NLGN1: variants seen among roughly 807,000 people sequenced by gnomAD.
The protein encoded by NLGN1 is neuroligin-1.
NLGN1 carries 12 observed loss-of-function variants against 65.5 expected under a neutral mutation model. The ratio of observed to expected loss-of-function variants is 0.18; its 90% confidence interval spans 0.12 to 0.30. NLGN1 has a LOEUF of 0.30. Ranked by LOEUF, NLGN1 falls within the 10% of genes least tolerant of loss-of-function variation. NLGN1 has a pLI of 1.00. For missense variants in NLGN1, 750 were observed against 1,007.1 expected (o/e 0.74, Z 3.46); for synonymous variants, 350 against 359.5 (o/e 0.97, Z 0.30).
intron 4 of NLGN1, among the ~76,000 whole-genome samples, chr3:174,225,309 C>T (rs915965974): frequency 1.3e-5 from 2 of 152,146 alleles, no homozygotes; most frequent in Admixed American, 6.5e-5. Flanking sequence ...GCCCTAAGGG[C>T]TTAATGGGCA....
chr3:173,930,522 T>A (rs1743902009), intron 4 of NLGN1, among the ~76,000 whole-genome samples: 1 of 152,172 alleles, frequency 6.6e-6, no homozygotes, highest in Non-Finnish European at 1.5e-5. Context: ...GAAATTTAAG[T>A]ACTTAAGGTA....
intron 3 of NLGN1, among the ~76,000 whole-genome samples, chr3:173,673,390 T>G (rs1047880470): frequency 3.2e-4 from 49 of 152,328 alleles, no homozygotes; most frequent in African/African-American, 1.2e-3. Flanking sequence ...ACTTGTGCAT[T>G]TATTCTGAAA....
At chr3:173,927,028 G>A (rs1743123441) in intron 4 of NLGN1, among the ~76,000 whole-genome samples, 1 of 151,878 alleles carries the variant, frequency 6.6e-6, no homozygotes, top group Admixed American at 6.6e-5. Flanking sequence ...TTCCTTTTCT[G>A]AACACCTTCT....
intron 4 of NLGN1, among the ~76,000 whole-genome samples, chr3:174,253,240 A>G (rs940763016): frequency 1.1e-4 from 16 of 152,340 alleles, no homozygotes; most frequent in Admixed American, 8.5e-4. Context: ...TGGCATAATA[A>G]CAATATGCTC....
At chr3:174,070,688 CTA>C (rs1433586519) in intron 4 of NLGN1, among the ~76,000 whole-genome samples, 8 of 152,116 alleles carry the variant, frequency 5.3e-5, no homozygotes. Flanking sequence ...CATTATAAAA[CTA>C]TTTTTATGAG....
At chr3:174,083,072 A>G (rs1466863011) in intron 4 of NLGN1, among the ~76,000 whole-genome samples, 1 of 152,186 alleles carries the variant, frequency 6.6e-6, no homozygotes, top group Non-Finnish European at 1.5e-5. Context: ...TATTTAATAA[A>G]CATAGATTAT....
chr3:173,691,560 G>A (rs939139684), intron 3 of NLGN1, among the ~76,000 whole-genome samples: 2 of 152,022 alleles, frequency 1.3e-5, no homozygotes, highest in African/African-American at 2.4e-5. Context: ...TGTTTAATAC[G>A]TGTCTTAAAG....
intron 4 of NLGN1, among the ~76,000 whole-genome samples, chr3:173,995,911 C>T (rs1722183924): frequency 6.6e-6 from 1 of 152,064 alleles, no homozygotes; most frequent in Non-Finnish European, 1.5e-5. Flanking sequence ...CTCTCAAACT[C>T]CTGGCTTTAA....
At chr3:173,978,845 A>AT (rs1407998839) in intron 4 of NLGN1, among the ~76,000 whole-genome samples, 1 of 150,692 alleles carries the variant, frequency 6.6e-6, no homozygotes, top group Non-Finnish European at 1.5e-5. Flanking sequence ...AAAAAAAAAA[A>AT]AAAAAAAAAA....
At chr3:174,151,458 A>T (rs1007236641) in intron 4 of NLGN1, among the ~76,000 whole-genome samples, 8 of 152,156 alleles carry the variant, frequency 5.3e-5, no homozygotes, top group Non-Finnish European at 5.9e-5. Context: ...TTCTTCTGAC[A>T]TCTTTGCCAT....
chr3:173,524,878 A>G (rs1414294206), intron 2 of NLGN1, among the ~76,000 whole-genome samples: 3 of 152,092 alleles, frequency 2.0e-5, no homozygotes, highest in Admixed American at 2.0e-4. Context: ...ATTGATTTGC[A>G]TATGTGAACC....
At chr3:174,255,675 T>TTTA (rs1745611064) in intron 4 of NLGN1, among the ~76,000 whole-genome samples, 1 of 104,496 alleles carries the variant, frequency 9.6e-6, no homozygotes, top group Non-Finnish European at 2.1e-5. Context: ...TTATTTATTT[T>TTTA]TGAGATAGGG....
At chr3:173,946,310 T>C (rs1320523975) in intron 4 of NLGN1, among the ~76,000 whole-genome samples, 1 of 152,112 alleles carries the variant, frequency 6.6e-6, no homozygotes, top group Admixed American at 6.6e-5. Context: ...TGATTTGTGT[T>C]TGGTTGTGTG....
chr3:173,739,010 C>T (rs985933774), intron 3 of NLGN1, among the ~76,000 whole-genome samples: 15 of 151,982 alleles, frequency 9.9e-5, no homozygotes, highest in Non-Finnish European at 2.9e-5. Context: ...ATGGAGGAGG[C>T]TGTTCAAGAA....
chr3:174,267,245 T>C (rs1384771851), intron 4 of NLGN1, among the ~76,000 whole-genome samples: 1 of 152,212 alleles, frequency 6.6e-6, no homozygotes. Context: ...CACAGCAGCA[T>C]CTACTTCTGG....
At chr3:173,576,485 C>A (rs1167543385) in intron 2 of NLGN1, among the ~76,000 whole-genome samples, 1 of 152,138 alleles carries the variant, frequency 6.6e-6, no homozygotes, top group East Asian at 1.9e-4. Context: ...TGCCTAGAGA[C>A]CACCTGTTTT....
At chr3:173,789,041 T>C (rs1191410580) in intron 3 of NLGN1, among the ~76,000 whole-genome samples, 1 of 151,058 alleles carries the variant, frequency 6.6e-6, no homozygotes, top group Non-Finnish European at 1.5e-5. Context: ...ACTAAAAAAG[T>C]ACAGAAAATT....
intron 4 of NLGN1, among the ~76,000 whole-genome samples, chr3:173,884,459 T>A (rs531351700): frequency 7.9e-4 from 120 of 152,284 alleles, no homozygotes; most frequent in African/African-American, 2.7e-3. Flanking sequence ...GATCTTTAAG[T>A]AAGTAGCATA....
At chr3:173,842,990 A>T (rs548742405) in intron 4 of NLGN1, among the ~76,000 whole-genome samples, 1 of 152,316 alleles carries the variant, frequency 6.6e-6, no homozygotes, top group African/African-American at 2.4e-5. Context: ...CTGGGCATCC[A>T]GGCGTTTCCA....
Sources: allele counts gnomAD v4.1 joint callset (sites outside exome capture counted in the v4.1 genomes callset), GRCh38; gene constraint gnomAD v4.1.1; transcripts MANE v1.5; gene names NCBI Gene and HGNC (gene_info 2026-07-23, HGNC 2026-07-21).